The following KDM7A variants were observed in gnomAD, a reference collection of about 807,000 sequenced individuals.
KDM7A encodes the protein lysine-specific demethylase 7A.
KDM7A carries 28 observed loss-of-function variants against 114.8 expected under a neutral mutation model. The observed-to-expected ratio is 0.24, with a 90% CI of 0.18 to 0.33. KDM7A has a LOEUF of 0.33. KDM7A is among the 10% of genes least tolerant of loss of function. The probability of loss-of-function intolerance (pLI) is 1.00; values close to 1 mark genes in which losing one functional copy is unlikely to be tolerated. For synonymous variants in KDM7A, 423 were observed against 397.8 expected (o/e 1.06, Z -0.75); for missense variants, 942 against 1,142.5 (o/e 0.82, Z 2.53).
intron 9 of KDM7A, among the ~76,000 whole-genome samples, chr7:140,114,077 T>C (rs180724998): frequency 2.6e-5 from 4 of 152,332 alleles, no homozygotes; most frequent in African/African-American, 9.6e-5. Flanking sequence ...TAAAGGGTTA[T>C]TTCATAATGA....
intron 11 of KDM7A, among the ~76,000 whole-genome samples, chr7:140,103,924 A>C (rs951141312): frequency 1.3e-5 from 2 of 152,126 alleles, no homozygotes; most frequent in Non-Finnish European, 2.9e-5. Flanking sequence ...TACAGTCACA[A>C]CAACAGTGTA....
intron 1 of KDM7A, among the ~76,000 whole-genome samples, chr7:140,154,289 C>T (rs1273918226): frequency 2.7e-5 from 4 of 150,734 alleles, no homozygotes; most frequent in African/African-American, 9.8e-5. Context: ...AGTTCAAGAC[C>T]AGCCTGGGCA....
Position 140,088,695 on chromosome 7 carries a change from T to C in KDM7A, c.*2399A>G. 1 of 391,610 alleles carries C rather than the reference T, an allele frequency of 2.6e-6. No individual in the cohort carries two copies. The highest frequency in any genetic ancestry group is 4.5e-6 in the Non-Finnish European group (1 of 221,840). The allele number at this position is 391,610 out of a possible 1,614,324, so 24.3% of individuals were successfully genotyped here. A position where few individuals can be genotyped will look rare whatever the true frequency, so the allele number is the denominator to read the frequency against. Reference sequence around the variant, plus strand: ...TATTCAAGTGGTTCTATTACCTCGCTGAAAGTTTTCTAACTTAGCCACTTA... The same window carrying C: ...TATTCAAGTGGTTCTATTACCTCGCCGAAAGTTTTCTAACTTAGCCACTTA... On this transcript the variant is annotated 3_prime_UTR_variant, in exon 20 of 20. Coordinates refer to ENST00000397560, the MANE Select transcript of KDM7A (RefSeq NM_030647.2).
intron 3 of KDM7A, among the ~76,000 whole-genome samples, chr7:140,132,940 C>T (rs1818813235): frequency 1.3e-5 from 2 of 152,192 alleles, no homozygotes; most frequent in Non-Finnish European, 2.9e-5. Context: ...TAAGCATTAT[C>T]ACTTGAAATA....
chr7:140,114,186 C>T (rs984005737), intron 9 of KDM7A, among the ~76,000 whole-genome samples: 5 of 152,156 alleles, frequency 3.3e-5, no homozygotes, highest in Non-Finnish European at 7.4e-5. Context: ...CCCCCTTCCC[C>T]TCCCCTTTCC....
intron 1 of KDM7A, among the ~76,000 whole-genome samples, chr7:140,158,580 A>C (rs905521995): frequency 2.0e-5 from 3 of 152,222 alleles, no homozygotes; most frequent in Non-Finnish European, 2.9e-5. Flanking sequence ...CTATTCATCC[A>C]AGTGGAGATA....
At chr7:140,174,663 C>T (rs559215314) in intron 1 of KDM7A, among the ~76,000 whole-genome samples, 30 of 152,196 alleles carry the variant, frequency 2.0e-4, no homozygotes, top group African/African-American at 7.2e-4. Context: ...TGCAGTGGCG[C>T]GATCTCGGCT....
In KDM7A at chr7:140,149,962, C is replaced by T. The variant is rs1009014582; in HGVS notation, c.195-10772G>A. On this transcript the variant is annotated intron_variant, in intron 1 of 19. Coordinates refer to ENST00000397560, the MANE Select transcript of KDM7A (RefSeq NM_030647.2). ...TACAACACATGTGAATATTTATATG[C>T]CTCTCTTAAATATAGGTATTAGAGT... Among the ~76,000 whole-genome samples, 94 of 152,098 alleles carry T rather than the reference C, an allele frequency of 6.2e-4. 1 individual carries two copies. Among genetic ancestry groups the T allele is most frequent in the African/African-American group, 2.2e-3 (92 of 41,418 alleles).
intron 13 of KDM7A, 131 bp downstream of exon 13, chr7:140,099,768 C>T: frequency 1.3e-6 from 1 of 747,198 alleles, no homozygotes; most frequent in Non-Finnish European, 2.3e-6. Flanking sequence ...AAACCATTCC[C>T]TGGCTGAGAA....
In KDM7A at chr7:140,088,650, A is replaced by G. The variant is rs1817972575; in HGVS notation, c.*2444T>C. 2.5e-6 allele frequency: 1 copy of G among 395,290 alleles called. No homozygotes were observed. The highest frequency in any genetic ancestry group is 4.5e-6 in the Non-Finnish European group (1 of 224,032). The allele number at this position is 395,290 out of a possible 1,614,324, so 24.5% of individuals were successfully genotyped here. On this transcript the variant is annotated 3_prime_UTR_variant, in exon 20 of 20. Coordinates refer to ENST00000397560, the MANE Select transcript of KDM7A (RefSeq NM_030647.2). Reference sequence around the variant, plus strand: ...TCAGTGGCCGAATTTTCACCAATTCAGAAAAAGACACATGGATTCTATTCA... The same window carrying G: ...TCAGTGGCCGAATTTTCACCAATTCGGAAAAAGACACATGGATTCTATTCA...
At chr7:140,105,802 G>A (rs1052490806) in intron 11 of KDM7A, among the ~76,000 whole-genome samples, 27 of 152,150 alleles carry the variant, frequency 1.8e-4, no homozygotes, top group African/African-American at 6.3e-4. Context: ...TGCTGGTCTT[G>A]TAAAATGAGT....
At chr7:140,133,058 T>A (rs1455521608) in intron 3 of KDM7A, among the ~76,000 whole-genome samples, 2 of 152,170 alleles carry the variant, frequency 1.3e-5, no homozygotes, top group Non-Finnish European at 2.9e-5. Context: ...CATTATTTTT[T>A]AAAAAATCAA....
rs1295513463 is a variant in KDM7A at position 140,085,308 on chromosome 7, C to G, written c.*5786G>C. ...AGGCTAGCAAAACGTTACTACAAAA[C>G]TAGTAAATACCAGAGCCAACAACTG... On this transcript the variant is annotated 3_prime_UTR_variant, in exon 20 of 20. Coordinates refer to ENST00000397560, the MANE Select transcript of KDM7A (RefSeq NM_030647.2). 6.6e-6 allele frequency: 1 copy of G among 152,184 alleles called. No individual in the cohort carries two copies. The highest frequency in any genetic ancestry group is 1.5e-5 in the Non-Finnish European group (1 of 68,036). 9.4% of individuals were successfully genotyped at this position (152,184 alleles called of 1,614,324 possible).
rs1051695330 is a variant in KDM7A at position 140,087,297 on chromosome 7, A to G, written c.*3797T>C. 6.6e-6 allele frequency: 1 copy of G among 152,208 alleles called. No individual in the cohort carries two copies. The highest frequency in any genetic ancestry group is 1.5e-5 in the Non-Finnish European group (1 of 68,038). The allele number at this position is 152,208 out of a possible 1,614,324, so 9.4% of individuals were successfully genotyped here. On this transcript the variant is annotated 3_prime_UTR_variant, in exon 20 of 20. Coordinates refer to ENST00000397560, the MANE Select transcript of KDM7A (RefSeq NM_030647.2). ...AATTCTTCAAGAAAAACCTAAAGCC[A>G]TCTTTCAGTTAAATCATCTTAACGT...
chr7:140,157,040 T>C (rs1411310343), intron 1 of KDM7A, among the ~76,000 whole-genome samples: 1 of 152,204 alleles, frequency 6.6e-6, no homozygotes, highest in Non-Finnish European at 1.5e-5. Context: ...AATAAATAGT[T>C]ACAGGTAAAT....
intron 7 of KDM7A, among the ~76,000 whole-genome samples, chr7:140,121,707 C>T (rs984470687): frequency 5.3e-5 from 8 of 152,162 alleles, no homozygotes; most frequent in Admixed American, 3.3e-4. Flanking sequence ...CTGCATCACT[C>T]GGGACTGCCA....
At chr7:140,125,859 T>C (rs1041072491) in intron 6 of KDM7A, among the ~76,000 whole-genome samples, 1 of 152,010 alleles carries the variant, frequency 6.6e-6, no homozygotes, top group Non-Finnish European at 1.5e-5. Flanking sequence ...CCTCAGCCTC[T>C]TGAGTAGCTG....
Position 140,090,062 on chromosome 7 carries a change from ACAG to A in KDM7A, c.*1029_*1031del, listed in dbSNP as rs1305435436. 2.0e-5 allele frequency: 3 copies of A among 152,206 alleles called. No individual in the cohort carries two copies. Among genetic ancestry groups the A allele is most frequent in the Non-Finnish European group, 2.9e-5 (2 of 68,028 alleles). The allele number at this position is 152,206 out of a possible 1,614,324, so 9.4% of individuals were successfully genotyped here. ...CAGCAGGTGCCAGTCCTGTTGTCCA[ACAG>A]CAGCAGTACGAAGAAGGCCTGCTGT... On this transcript the variant is annotated 3_prime_UTR_variant, in exon 20 of 20. Coordinates refer to ENST00000397560, the MANE Select transcript of KDM7A (RefSeq NM_030647.2).
chr7:140,096,925 T>C lies in KDM7A; in HGVS notation c.2139A>G (p.Pro713=), dbSNP rs1818125181. 5 of 1,613,942 alleles carry C rather than the reference T, an allele frequency of 3.1e-6. No individual in the cohort carries two copies. In the South Asian group the frequency reaches 4.4e-5, roughly 14 times the overall value. The stretch of plus-strand genomic sequence containing the variant: ...TTTTAATTGGAATTTCACTTCTAGA[T>C]GGCTTCTGGCTCTTTTGAAGGAAGT... ...MRNFLQKSQK[P]SRSEIPIKRE... Residue 713 remains proline (P), a synonymous_variant, in exon 16 of 20, where the codon CCA becomes CCG. Transcript: ENST00000397560.
Sources: allele counts gnomAD v4.1 joint callset (sites outside exome capture counted in the v4.1 genomes callset), GRCh38; gene constraint gnomAD v4.1.1; transcripts MANE v1.5; gene names NCBI Gene and HGNC (gene_info 2026-07-23, HGNC 2026-07-21).